The following PTPRN2 variants were observed in gnomAD, a reference collection of about 807,000 sequenced individuals.
The protein encoded by PTPRN2 is protein tyrosine phosphatase receptor type N2.
A neutral mutation model predicts 118.8 loss-of-function variants in PTPRN2; 74 were observed. The ratio of observed to expected loss-of-function variants is 0.62; its 90% CI spans 0.52 to 0.76. The LOEUF (loss-of-function observed/expected upper bound fraction) is 0.76, where lower values mean the gene tolerates loss of function less well. PTPRN2 is among the 30% of genes least tolerant of loss of function. The pLI is 0.00. For synonymous variants in PTPRN2, 641 were observed against 608.0 expected, an observed-to-expected ratio of 1.05 and a Z score of -0.80; for missense variants, 1,481 against 1,394.4, an observed-to-expected ratio of 1.06 and a Z score of -0.99.
intron 11 of PTPRN2, among the ~76,000 whole-genome samples, chr7:157,951,207 C>T (rs1800789847): frequency 6.6e-6 from 1 of 152,108 alleles, no homozygotes; most frequent in South Asian, 2.1e-4. Context: ...TAATACGGTT[C>T]AGAGAAGGAT....
At chr7:158,299,417 C>A (rs1255007966) in intron 3 of PTPRN2, among the ~76,000 whole-genome samples, 1 of 151,940 alleles carries the variant, frequency 6.6e-6, no homozygotes, top group Non-Finnish European at 1.5e-5. Flanking sequence ...CCTGCCTCAG[C>A]CTCAGGAGTA....
intron 1 of PTPRN2, among the ~76,000 whole-genome samples, chr7:158,504,059 C>A (rs914238895): frequency 2.6e-5 from 4 of 151,884 alleles, no homozygotes; most frequent in Non-Finnish European, 5.9e-5. Flanking sequence ...TAAGAAAATG[C>A]AGAAAATCTC....
chr7:158,460,751 C>T (rs1237208580), intron 2 of PTPRN2, among the ~76,000 whole-genome samples: 1 of 152,268 alleles, frequency 6.6e-6, no homozygotes, highest in African/African-American at 2.4e-5. Flanking sequence ...GGCCCCAGCT[C>T]CCTTCCTCAA....
intron 3 of PTPRN2, among the ~76,000 whole-genome samples, chr7:158,246,278 A>T (rs556297405): frequency 2.9e-4 from 44 of 151,946 alleles, no homozygotes; most frequent in Non-Finnish European, 5.7e-4. Flanking sequence ...AGGGGGAAAA[A>T]TCCATGTTAT....
chr7:157,699,726 G>A (rs1329589564), intron 12 of PTPRN2, among the ~76,000 whole-genome samples: 1 of 152,188 alleles, frequency 6.6e-6, no homozygotes, highest in East Asian at 1.9e-4. Flanking sequence ...ACCGCACCCT[G>A]CCCAGTTGCT....
At chr7:157,712,579 C>T (rs928663153) in intron 12 of PTPRN2, among the ~76,000 whole-genome samples, 30 of 151,864 alleles carry the variant, frequency 2.0e-4, no homozygotes, top group African/African-American at 5.1e-4. Flanking sequence ...AGTGAAACCC[C>T]GTCTCTACTT....
At chr7:157,902,060 C>T (rs12536793) in intron 11 of PTPRN2, among the ~76,000 whole-genome samples, 23,245 of 151,946 alleles carry the variant, frequency 0.15, 2,308 homozygotes, top group Admixed American at 0.31. Flanking sequence ...GGTCGCAGCA[C>T]GGGCCAGCAC....
At chr7:158,142,666 C>T (rs180907929) in intron 6 of PTPRN2, among the ~76,000 whole-genome samples, 43 of 152,342 alleles carry the variant, frequency 2.8e-4, no homozygotes, top group Non-Finnish European at 6.2e-4. Context: ...CCTCACCATG[C>T]ATTCACTGAT....
rs1825693093 is a variant in PTPRN2 at position 158,537,134 on chromosome 7, A to ACCAAGTCTG, written c.113-47358_113-47350dup. ...AAACCAGAAGCAGGCGCTCCCAGAC[A>ACCAAGTCTG]CCAAGTCTGCTGGCACCTTGACCCC... On this transcript the variant is annotated intron_variant, in intron 1 of 22. Coordinates refer to ENST00000389418, the MANE Select transcript of PTPRN2 (RefSeq NM_002847.5). Among the ~76,000 whole-genome samples, 4 of 152,302 alleles carry ACCAAGTCTG rather than the reference A, an allele frequency of 2.6e-5. No individual in the cohort carries two copies. The South Asian group carries it at 8.3e-4, about 32-fold the overall frequency.
intron 4 of PTPRN2, among the ~76,000 whole-genome samples, chr7:158,194,428 C>G (rs1210394054): frequency 5.9e-5 from 9 of 152,208 alleles, no homozygotes; most frequent in Non-Finnish European, 1.0e-4. Context: ...GGGCAGGGCC[C>G]TCTGTGAACC....
At chr7:158,215,319 C>G (rs1827882722) in intron 3 of PTPRN2, among the ~76,000 whole-genome samples, 1 of 152,030 alleles carries the variant, frequency 6.6e-6, no homozygotes, top group East Asian at 1.9e-4. Context: ...TCAATGTCAA[C>G]AACACAGAGA....
intron 3 of PTPRN2, among the ~76,000 whole-genome samples, chr7:158,223,714 G>A (rs765020341): frequency 1.3e-5 from 2 of 152,084 alleles, no homozygotes; most frequent in Non-Finnish European, 2.9e-5. Flanking sequence ...GTACTTAATG[G>A]TGAGTAACCA....
chr7:158,570,149 AC>A lies in PTPRN2; in HGVS notation c.112+17408del, dbSNP rs1432795787. Among the ~76,000 whole-genome samples the A allele has an allele frequency of 6.6e-6, 1 of 151,820 alleles. No individual in the cohort carries two copies. Among genetic ancestry groups the A allele is most frequent in the African/African-American group, 2.4e-5 (1 of 41,312 alleles). On this transcript the variant is annotated intron_variant, in intron 1 of 22. Transcript: ENST00000389418. The surrounding 1 kb of genome is among the most constrained non-coding windows in gnomAD (Gnocchi z 4.5). ...CAGGCTCTCCGCGGAGCCGTCTCCAACCCCTGCAGGCCGACCTGGGCAGCCA... is the reference window on the plus strand; with the variant it reads ...CAGGCTCTCCGCGGAGCCGTCTCCAACCCTGCAGGCCGACCTGGGCAGCCA...
At chr7:158,567,974 C>T (rs1157763558) in intron 1 of PTPRN2, among the ~76,000 whole-genome samples, 1 of 152,146 alleles carries the variant, frequency 6.6e-6, no homozygotes, top group Non-Finnish European at 1.5e-5. Flanking sequence ...CTCTTTTGCC[C>T]AGGTGCAGTG....
chr7:158,104,145 G>A (rs1056365225), intron 10 of PTPRN2, among the ~76,000 whole-genome samples: 1 of 152,218 alleles, frequency 6.6e-6, no homozygotes, highest in Non-Finnish European at 1.5e-5. Context: ...ACAGGCATGA[G>A]CCACCGTGCC....
At chr7:158,315,646 A>T (rs1802257137) in intron 3 of PTPRN2, among the ~76,000 whole-genome samples, 1 of 152,260 alleles carries the variant, frequency 6.6e-6, no homozygotes, top group Non-Finnish European at 1.5e-5. Context: ...AGAAACGGCC[A>T]GATGTGTGAT....
intron 1 of PTPRN2, chr7:158,537,452 G>GC (rs1409263662): frequency 6.6e-6 from 1 of 152,288 alleles, no homozygotes; most frequent in Middle Eastern, 3.1e-3. Flanking sequence ...GGACAGGCCA[G>GC]CGGGGGCTGT....
At position 158,162,598 on chromosome 7, in the gene PTPRN2, C is replaced by G. The variant is rs183119171; in HGVS notation, c.910+4333G>C. ...GGTTGCCAGGTCTCGAGTGGGGAAA[C>G]TGGAGACGCTGAACTAGATGAGCCC... On this transcript the variant is annotated intron_variant, in intron 6 of 22. Coordinates refer to ENST00000389418, the MANE Select transcript of PTPRN2 (RefSeq NM_002847.5). Among the ~76,000 whole-genome samples the G allele has an allele frequency of 3.7e-4, 56 of 151,676 alleles. 1 individual carries two copies. The highest frequency in any genetic ancestry group is 1.1e-3 in the African/African-American group (47 of 41,292).
rs868221240 is a variant in PTPRN2, at chr7:158,164,795, G to A, written c.910+2136C>T. On this transcript the variant is annotated intron_variant, in intron 6 of 22. Transcript: ENST00000389418. Reference sequence around the variant, plus strand: ...AAGTGACCCCACTAGAAGGAGTATAGAGGTGGGAGAATGCAGGTAGAGGGG... The same window carrying A: ...AAGTGACCCCACTAGAAGGAGTATAAAGGTGGGAGAATGCAGGTAGAGGGG... 1.1e-3 allele frequency among the ~76,000 whole-genome samples: 163 copies of A among 152,302 alleles called. 4 individuals are homozygous for A. The Middle Eastern group carries it at 0.014, about 13-fold the overall frequency.
Sources: gnomAD v4.1 joint callset for allele counts (sites outside exome capture counted in the v4.1 genomes callset) on GRCh38, gnomAD v4.1.1 for gene constraint, Gnocchi (gnomAD v3.1) non-coding constraint, MANE v1.5 for transcripts, NCBI Gene and HGNC (gene_info 2026-07-23, HGNC 2026-07-21) for gene names.